NRGN: variants seen among roughly 807,000 people sequenced by gnomAD.
NRGN encodes the protein calmodulin-binding protein.
For synonymous variants in NRGN, 47 were observed against 52.8 expected (o/e 0.89, Z 0.47); for missense variants, 82 against 123.0 (o/e 0.67, Z 1.58).
At position 124,742,830 on chromosome 11, in the gene NRGN, C is replaced by T. The variant is rs144578683; in HGVS notation, c.16-2673C>T. ...AGCAGGGGATATCCTTAAAGCTATTCGGATTTGGGAGCTGAAGGAGACTTT... is the reference window on the plus strand; with the variant it reads ...AGCAGGGGATATCCTTAAAGCTATTTGGATTTGGGAGCTGAAGGAGACTTT... On this transcript the variant is annotated intron_variant, in intron 1 of 3. Transcript: ENST00000284292. Among the ~76,000 whole-genome samples the T allele has an allele frequency of 6.2e-3, 939 of 152,272 alleles. 14 individuals are homozygous for T. Among genetic ancestry groups the T allele is most frequent in the Non-Finnish European group, 5.8e-3 (395 of 68,030 alleles).
chr11:124,743,085 A>G (rs1943978716), intron 1 of NRGN, among the ~76,000 whole-genome samples: 1 of 152,138 alleles, frequency 6.6e-6, no homozygotes, highest in Non-Finnish European at 1.5e-5. Flanking sequence ...GGTCCTTTCA[A>G]TCTCCTTCCA....
rs368026055 is a variant in NRGN, at chr11:124,741,744, G to A, written c.15+1645G>A. On this transcript the variant is annotated intron_variant, in intron 1 of 3. Coordinates refer to ENST00000284292, the MANE Select transcript of NRGN (RefSeq NM_006176.3). ...TGCTGGGGAAGGGGAAGTGGGAGAC[G>A]TGGTCACTGGAAAGAGGTGAGTAAA... Among the ~76,000 whole-genome samples the A allele has an allele frequency of 1.1e-4, 17 of 152,110 alleles. No homozygotes were observed. In the East Asian group the frequency reaches 1.2e-3, roughly 10 times the overall value.
chr11:124,742,774 A>C (rs1271702544), intron 1 of NRGN, among the ~76,000 whole-genome samples: 2 of 152,216 alleles, frequency 1.3e-5, no homozygotes, highest in Non-Finnish European at 2.9e-5. Flanking sequence ...CAAAGCGCTT[A>C]GCACAGGGCC....
rs947483357 is a variant in NRGN at position 124,740,297 on chromosome 11, C to T, written c.15+198C>T. ...ACTTGGAAGCCCTAGGAAAAATGCT[C>T]CTCAACTCGCGGGGGCGTCTGAGCG... On this transcript the variant is annotated intron_variant, in intron 1 of 3. Transcript: ENST00000284292. The surrounding 1 kb of genome is among the most constrained non-coding windows in gnomAD (Gnocchi z 7.5). 6.6e-5 allele frequency among the ~76,000 whole-genome samples: 10 copies of T among 152,250 alleles called. No individual in the cohort carries two copies. The highest frequency in any genetic ancestry group is 2.4e-4 in the African/African-American group (10 of 41,472).
intron 1 of NRGN, among the ~76,000 whole-genome samples, chr11:124,741,584 A>T (rs191150146): frequency 3.3e-5 from 5 of 152,036 alleles, no homozygotes; most frequent in Admixed American, 3.3e-4. Context: ...TGGGCTCCTC[A>T]TGGAGGTTCC....
rs568989304 is a variant in NRGN at position 124,740,008 on chromosome 11, C to G, written c.-77C>G. The G allele has an allele frequency of 2.7e-3, 1,738 of 643,118 alleles. 16 individuals are homozygous for G. The highest frequency in any genetic ancestry group is 2.5e-3 in the Non-Finnish European group (1,053 of 417,462). The allele number at this position is 643,118 out of a possible 1,614,324, so 39.8% of individuals were successfully genotyped here. Reference sequence around the variant, plus strand: ...GGCTGGCGGCCGACTGCCCCAGAGCCCCCACCCGGCACCACACAGACCCCA... The same window carrying G: ...GGCTGGCGGCCGACTGCCCCAGAGCGCCCACCCGGCACCACACAGACCCCA... On this transcript the variant is annotated 5_prime_UTR_variant, in exon 1 of 4. Transcript: ENST00000284292. This position sits in a 1 kb window ranked among gnomAD's most constrained non-coding sequence, Gnocchi z 7.5.
At chr11:124,743,926 T>C (rs1943988341) in intron 1 of NRGN, among the ~76,000 whole-genome samples, 1 of 125,620 alleles carries the variant, frequency 8.0e-6, no homozygotes, top group African/African-American at 3.4e-5. Context: ...AGGAGGCAAA[T>C]TCCTAGAAGC....
intron 1 of NRGN, among the ~76,000 whole-genome samples, chr11:124,743,753 C>G (rs1262454184): frequency 6.6e-6 from 1 of 152,062 alleles, no homozygotes; most frequent in Non-Finnish European, 1.5e-5. Context: ...CTGAAGCCTT[C>G]CTCATATCCT....
chr11:124,745,799 T>C lies in NRGN; in HGVS notation c.*5+70T>C. 1 of 873,478 alleles carries C rather than the reference T, an allele frequency of 1.1e-6. No individual in the cohort carries two copies. The highest frequency in any genetic ancestry group is 1.6e-6 in the Non-Finnish European group (1 of 639,178). 54.1% of individuals were successfully genotyped at this position (873,478 alleles called of 1,614,324 possible). On this transcript the variant is annotated intron_variant, in intron 2 of 3. Transcript: ENST00000284292. This position sits in a 1 kb window ranked among gnomAD's most constrained non-coding sequence, Gnocchi z 6.4. The stretch of plus-strand genomic sequence containing the variant: ...GCCCTCCCCAGGAGCAGGGGGAGAA[T>C]AAGGGCGGGTTGGAGGTGCAGGGGG...
intron 1 of NRGN, among the ~76,000 whole-genome samples, chr11:124,741,015 A>C (rs112152228): frequency 3.1e-4 from 47 of 152,262 alleles, no homozygotes; most frequent in African/African-American, 1.1e-3. Flanking sequence ...TTGCCACCTT[A>C]TGGCATAGTA....
intron 1 of NRGN, among the ~76,000 whole-genome samples, chr11:124,742,361 C>A (rs939235261): frequency 6.6e-6 from 1 of 152,050 alleles, no homozygotes; most frequent in Non-Finnish European, 1.5e-5. Context: ...CTGTCTTATT[C>A]CCGTTTCTCC....
intron 1 of NRGN, among the ~76,000 whole-genome samples, chr11:124,743,301 C>T (rs1163333306): frequency 2.0e-5 from 3 of 152,216 alleles, no homozygotes; most frequent in Admixed American, 6.5e-5. Flanking sequence ...CTCCACTCAA[C>T]CTTCCCACTC....
chr11:124,740,088 G>T lies in NRGN; in HGVS notation c.4G>T (p.Asp2Tyr). The T allele has an allele frequency of 7.4e-7, 1 of 1,358,352 alleles. No individual in the cohort carries two copies. The highest frequency in any genetic ancestry group is 9.5e-7 in the Non-Finnish European group (1 of 1,048,216). 84.1% of individuals were successfully genotyped at this position (1,358,352 alleles called of 1,614,324 possible). M[D>Y]CCTENACSKP... is the part of the protein sequence containing the mutation. The stretch of plus-strand genomic sequence containing the variant: ...CAGAGGACCCCCCGACACCAGCATG[G>T]ACTGCTGCACCGTAAGTTAGAGGGC... Residue 2 changes from aspartate to tyrosine, a missense_variant, in exon 1 of 4, where the codon GAC (aspartate) becomes TAC (tyrosine). Asp to Tyr is a radical substitution (Grantham distance 160). Transcript: ENST00000284292. The surrounding 1 kb of genome is among the most constrained non-coding windows in gnomAD (Gnocchi z 7.5).
At position 124,745,482 on chromosome 11, in the gene NRGN, A is replaced by AC; in HGVS notation, c.16-15dup. 1 of 1,542,576 alleles carries AC rather than the reference A, an allele frequency of 6.5e-7. No individual in the cohort carries two copies. The highest frequency in any genetic ancestry group is 2.5e-5 in the East Asian group (1 of 40,304). The stretch of plus-strand genomic sequence containing the variant: ...ATCAAGACCCAGTGACCCCACAAGA[A>AC]CCCCCCTGCTTCGCCCCCAGGAGAA... On this transcript the variant is annotated intron_variant, in intron 1 of 3. Transcript: ENST00000284292. This position sits in a 1 kb window ranked among gnomAD's most constrained non-coding sequence, Gnocchi z 6.4.
At chr11:124,743,508 T>C (rs1943983147) in intron 1 of NRGN, among the ~76,000 whole-genome samples, 1 of 152,132 alleles carries the variant, frequency 6.6e-6, no homozygotes, top group South Asian at 2.1e-4. Context: ...ATACCTGCCT[T>C]TTTGTAACTC....
intron 1 of NRGN, among the ~76,000 whole-genome samples, chr11:124,741,589 G>A (rs1044382291): frequency 1.3e-5 from 2 of 151,986 alleles, no homozygotes; most frequent in African/African-American, 2.4e-5. Flanking sequence ...TCCTCATGGA[G>A]GTTCCTGGGC....
rs1334835944 is a variant in NRGN at position 124,746,929 on chromosome 11, C to G, written c.*549C>G. The G allele has an allele frequency of 6.5e-6, 1 of 152,800 alleles. No homozygotes were observed. The highest frequency in any genetic ancestry group is 1.5e-5 in the Non-Finnish European group (1 of 68,186). 9.5% of individuals were successfully genotyped at this position (152,800 alleles called of 1,614,324 possible). On this transcript the variant is annotated 3_prime_UTR_variant, in exon 4 of 4. Coordinates refer to ENST00000284292, the MANE Select transcript of NRGN (RefSeq NM_006176.3). Reference sequence around the variant, plus strand: ...GGTTTCGGACGACCCTTGCTCTGACCGGAAGAGAAGTCCCTATCCCACACC... The same window carrying G: ...GGTTTCGGACGACCCTTGCTCTGACGGGAAGAGAAGTCCCTATCCCACACC...
In NRGN at chr11:124,740,229, C is replaced by T. The variant is rs1943956642; in HGVS notation, c.15+130C>T. On this transcript the variant is annotated intron_variant, in intron 1 of 3. Coordinates refer to ENST00000284292, the MANE Select transcript of NRGN (RefSeq NM_006176.3). This position sits in a 1 kb window ranked among gnomAD's most constrained non-coding sequence, Gnocchi z 7.5. The stretch of plus-strand genomic sequence containing the variant: ...CCTAGGAGCAGAAAGAAAAGGGGTC[C>T]TTGCCGAGACGTGGGTGGTGGATGG... 1 of 661,882 alleles carries T rather than the reference C, an allele frequency of 1.5e-6. No homozygotes were observed. Among genetic ancestry groups the T allele is most frequent in the Non-Finnish European group, 2.2e-6 (1 of 456,728 alleles). The allele number at this position is 661,882 out of a possible 1,614,324, so 41.0% of individuals were successfully genotyped here.
chr11:124,743,162 G>T (rs1204788193), intron 1 of NRGN, among the ~76,000 whole-genome samples: 1 of 152,238 alleles, frequency 6.6e-6, no homozygotes, highest in Admixed American at 6.5e-5. Flanking sequence ...AGAGGGAGCT[G>T]GTTCTGGGGA....
Sources: allele counts gnomAD v4.1 joint callset (sites outside exome capture counted in the v4.1 genomes callset), GRCh38; gene constraint gnomAD v4.1.1; non-coding constraint Gnocchi (gnomAD v3.1); transcripts MANE v1.5; gene names NCBI Gene and HGNC (gene_info 2026-07-23, HGNC 2026-07-21).